PABPC4L: variants seen among roughly 807,000 people sequenced by gnomAD.
PABPC4L encodes the protein polyadenylate-binding protein 4-like.
For missense variants in PABPC4L, 452 were observed against 451.4 expected (o/e 1.00, Z -0.01); for synonymous variants, 169 against 164.1 (o/e 1.03, Z -0.23).
At chr4:134,025,858 C>T in the PABPC4L span, among the ~76,000 whole-genome samples, 1 of 151,940 alleles carries the variant, frequency 6.6e-6, no homozygotes, top group Non-Finnish European at 1.5e-5. Flanking sequence ...ATTTATTTTT[C>T]ATTCTAACAT....
At chr4:134,089,321 C>T in the PABPC4L span, among the ~76,000 whole-genome samples, 16 of 152,042 alleles carry the variant, frequency 1.1e-4, no homozygotes, top group Non-Finnish European at 1.9e-4. Context: ...CCTACGCTCA[C>T]GCACCCAGCT....
At chr4:133,980,303 C>T in the PABPC4L span, among the ~76,000 whole-genome samples, 1 of 152,074 alleles carries the variant, frequency 6.6e-6, no homozygotes, top group African/African-American at 2.4e-5. Flanking sequence ...GTTTTTATTT[C>T]TCTTATTTTT....
chr4:133,963,326 C>T, the PABPC4L span, among the ~76,000 whole-genome samples: 3 of 152,084 alleles, frequency 2.0e-5, no homozygotes, highest in African/African-American at 7.2e-5. Context: ...AACACTGGAC[C>T]TCCCAAATTT....
At chr4:134,014,598 GCTCT>G in the PABPC4L span, among the ~76,000 whole-genome samples, 1 of 151,952 alleles carries the variant, frequency 6.6e-6, no homozygotes, top group African/African-American at 2.4e-5. Flanking sequence ...CTGGCCCAAG[GCTCT>G]CTGACTGACT....
chr4:133,957,900 G>A, the PABPC4L span, among the ~76,000 whole-genome samples: 1 of 152,182 alleles, frequency 6.6e-6, no homozygotes, highest in African/African-American at 2.4e-5. Context: ...CATGTCCTGA[G>A]GCTGCGCAGA....
the PABPC4L span, among the ~76,000 whole-genome samples, chr4:133,994,059 A>G: frequency 6.6e-6 from 1 of 152,164 alleles, no homozygotes; most frequent in Admixed American, 6.5e-5. Context: ...ATCCAGAAGG[A>G]GTAAGAGCCA....
the PABPC4L span, among the ~76,000 whole-genome samples, chr4:134,051,515 G>A: frequency 6.6e-6 from 1 of 152,142 alleles, no homozygotes. Context: ...CTGGGTAATA[G>A]TGTTTTAAAG....
the PABPC4L span, among the ~76,000 whole-genome samples, chr4:134,097,133 A>G: frequency 6.6e-6 from 1 of 151,972 alleles, no homozygotes; most frequent in African/African-American, 2.4e-5. Flanking sequence ...GCAGTTATCA[A>G]GGAAAAAATA....
the PABPC4L span, among the ~76,000 whole-genome samples, chr4:134,140,895 C>G: frequency 6.6e-6 from 1 of 151,714 alleles, no homozygotes; most frequent in African/African-American, 2.4e-5. Context: ...GTAGATTAAA[C>G]TAGAACATGA....
chr4:133,997,639 T>A, the PABPC4L span, among the ~76,000 whole-genome samples: 1 of 152,072 alleles, frequency 6.6e-6, no homozygotes, highest in Non-Finnish European at 1.5e-5. Flanking sequence ...TGGGAGGAGA[T>A]CAACATAAAA....
chr4:134,004,527 G>A, the PABPC4L span, among the ~76,000 whole-genome samples: 33 of 151,956 alleles, frequency 2.2e-4, no homozygotes, highest in Non-Finnish European at 4.0e-4. Context: ...GTCAGTGGGA[G>A]TGTAAAGTAG....
At chr4:134,066,453 C>T in the PABPC4L span, among the ~76,000 whole-genome samples, 1 of 151,956 alleles carries the variant, frequency 6.6e-6, no homozygotes, top group African/African-American at 2.4e-5. Context: ...GCAGACTATT[C>T]GGTGTTCCAG....
chr4:134,139,001 A>G, the PABPC4L span, among the ~76,000 whole-genome samples: 2 of 151,922 alleles, frequency 1.3e-5, no homozygotes, highest in African/African-American at 4.8e-5. Flanking sequence ...ACTATATGTC[A>G]AGCCTATTTC....
the PABPC4L span, among the ~76,000 whole-genome samples, chr4:134,022,396 G>A: frequency 4.6e-5 from 7 of 152,112 alleles, no homozygotes; most frequent in East Asian, 1.9e-4. Flanking sequence ...AGGCAAAGAC[G>A]TTACGAATAA....
the PABPC4L span, among the ~76,000 whole-genome samples, chr4:133,966,589 CTG>C: frequency 6.6e-6 from 1 of 152,110 alleles, no homozygotes; most frequent in Non-Finnish European, 1.5e-5. Flanking sequence ...GATAAAGAAA[CTG>C]TGGTATATTT....
At chr4:133,958,013 A>G in the PABPC4L span, among the ~76,000 whole-genome samples, 5 of 152,106 alleles carry the variant, frequency 3.3e-5, no homozygotes, top group Admixed American at 3.3e-4. Flanking sequence ...CCCTGCAGAC[A>G]TTTTCCCCAT....
the PABPC4L span, among the ~76,000 whole-genome samples, chr4:133,993,195 G>A: frequency 6.6e-6 from 1 of 152,102 alleles, no homozygotes. Flanking sequence ...AATAAGGCTT[G>A]TGCTAATAGT....
chr4:134,162,312 A>C, the PABPC4L span, among the ~76,000 whole-genome samples: 1 of 152,246 alleles, frequency 6.6e-6, no homozygotes, highest in South Asian at 2.1e-4. Context: ...ACAAAAATAT[A>C]TTACAATCCT....
the PABPC4L span, among the ~76,000 whole-genome samples, chr4:134,079,740 A>G: frequency 1.3e-5 from 2 of 151,884 alleles, no homozygotes; most frequent in South Asian, 4.2e-4. Flanking sequence ...CCCCCCAATT[A>G]ATAGAAATAG....
Sources: allele counts gnomAD v4.1 joint callset (sites outside exome capture counted in the v4.1 genomes callset), GRCh38; gene constraint gnomAD v4.1.1; transcripts MANE v1.5; gene names NCBI Gene and HGNC (gene_info 2026-07-23, HGNC 2026-07-21).